Variants in PRKAG2 observed in about 807,000 individuals in gnomAD.
The protein encoded by PRKAG2 is 5'-AMP-activated protein kinase subunit gamma-2.
A neutral mutation model predicts 69.6 loss-of-function variants in PRKAG2; 26 were observed. That is an observed-to-expected ratio of 0.37 (90% CI 0.27 to 0.52). The LOEUF (loss-of-function observed/expected upper bound fraction) is 0.52. Ranked by LOEUF, PRKAG2 falls within the 20% of genes least tolerant of loss-of-function variation. The pLI, the probability that PRKAG2 is intolerant of heterozygous loss-of-function variation, is 0.90. For missense variants in PRKAG2, 557 were observed against 740.0 expected (o/e 0.75, Z 2.87); for synonymous variants, 293 against 285.0 (o/e 1.03, Z -0.28).
chr7:151,783,296 C>T (rs2076825649), intron 2 of PRKAG2, among the ~76,000 whole-genome samples: 2 of 152,198 alleles, frequency 1.3e-5, no homozygotes, highest in Non-Finnish European at 2.9e-5. Flanking sequence ...TGCTATAGGA[C>T]CTTGTAACTC....
At chr7:151,851,913 G>A (rs1056079085) in intron 1 of PRKAG2, among the ~76,000 whole-genome samples, 19 of 152,160 alleles carry the variant, frequency 1.2e-4, no homozygotes, top group Admixed American at 3.9e-4. Flanking sequence ...GGGGCTTCCT[G>A]CTCTGGTGAA....
At chr7:151,609,621 C>G (rs55668852) in intron 5 of PRKAG2, among the ~76,000 whole-genome samples, 4 of 152,202 alleles carry the variant, frequency 2.6e-5, no homozygotes, top group Admixed American at 1.3e-4. Context: ...CTGATACTGG[C>G]AACACCCACA....
rs546034368 is a variant in PRKAG2, at chr7:151,583,598, C to T, written c.865-7146G>A. Reference sequence around the variant, plus strand: ...TTGGAAAATTCTCCATAATTATAGACGGCACAGGGTGTTCCAATTAACCAA... The same window carrying T: ...TTGGAAAATTCTCCATAATTATAGATGGCACAGGGTGTTCCAATTAACCAA... On this transcript the variant is annotated intron_variant, in intron 6 of 15. Coordinates refer to ENST00000287878, the MANE Select transcript of PRKAG2 (RefSeq NM_016203.4). This position sits in a 1 kb window ranked among gnomAD's most constrained non-coding sequence, Gnocchi z 4.1. 2.3e-4 allele frequency among the ~76,000 whole-genome samples: 35 copies of T among 152,220 alleles called. No individual in the cohort carries two copies. In the East Asian group the frequency reaches 2.3e-3, roughly 10 times the overall value.
At chr7:151,795,405 T>C (rs1318850881) in intron 1 of PRKAG2, among the ~76,000 whole-genome samples, 6 of 151,490 alleles carry the variant, frequency 4.0e-5, no homozygotes, top group Admixed American at 2.0e-4. Context: ...CCATCCGGAG[T>C]AGCTGCGGTC....
At chr7:151,735,543 T>G (rs1304314051) in intron 3 of PRKAG2, among the ~76,000 whole-genome samples, 1 of 152,182 alleles carries the variant, frequency 6.6e-6, no homozygotes, top group Non-Finnish European at 1.5e-5. Flanking sequence ...TCCTCTAAAC[T>G]GCATGTTTCA....
At chr7:151,585,838 T>A (rs1811524254) in intron 6 of PRKAG2, among the ~76,000 whole-genome samples, 1 of 152,140 alleles carries the variant, frequency 6.6e-6, no homozygotes. Context: ...GGGAATGTGA[T>A]GCCAGGGAGC....
chr7:151,662,992 C>T (rs1384764238), intron 4 of PRKAG2, among the ~76,000 whole-genome samples: 1 of 152,114 alleles, frequency 6.6e-6, no homozygotes, highest in Non-Finnish European at 1.5e-5. Context: ...CTTTGGGAGG[C>T]TGAGGTGGGT....
In PRKAG2 at chr7:151,632,024, C is replaced by T. The variant is rs770828208; in HGVS notation, c.754+45G>A. 22 of 1,264,778 alleles carry T rather than the reference C, an allele frequency of 1.7e-5. No individual in the cohort carries two copies. Among genetic ancestry groups the T allele is most frequent in the Non-Finnish European group, 2.0e-5 (20 of 996,236 alleles). The allele number at this position is 1,264,778 out of a possible 1,614,324, so 78.3% of individuals were successfully genotyped here. A position where few individuals can be genotyped will look rare whatever the true frequency, so the allele number is the denominator to read the frequency against. ...CCGCGGGTCCCGGTCCTCGGGCGGC[C>T]GGGCCGTGGGAGCGCCGGGCCGGCA... On this transcript the variant is annotated intron_variant, in intron 5 of 15. Coordinates refer to ENST00000287878, the MANE Select transcript of PRKAG2 (RefSeq NM_016203.4). The surrounding 1 kb of genome is among the most constrained non-coding windows in gnomAD (Gnocchi z 4.2).
intron 3 of PRKAG2, among the ~76,000 whole-genome samples, chr7:151,695,253 A>C (rs764859053): frequency 1.1e-4 from 17 of 152,220 alleles, no homozygotes; most frequent in Non-Finnish European, 2.1e-4. Context: ...GTCATGGCTC[A>C]AACCTGTTTC....
At chr7:151,730,783 A>G (rs1465440352) in intron 3 of PRKAG2, among the ~76,000 whole-genome samples, 2 of 152,124 alleles carry the variant, frequency 1.3e-5, no homozygotes, top group Non-Finnish European at 2.9e-5. Context: ...AGGGCAGGAG[A>G]GCCATGGCAC....
At chr7:151,597,279 ATAGAT>A (rs1814783613) in intron 5 of PRKAG2, among the ~76,000 whole-genome samples, 1 of 152,248 alleles carries the variant, frequency 6.6e-6, no homozygotes, top group Non-Finnish European at 1.5e-5. Flanking sequence ...TCAATGGAAA[ATAGAT>A]TAGAGACTGA....
intron 4 of PRKAG2, among the ~76,000 whole-genome samples, chr7:151,664,656 G>A (rs573777274): frequency 1.1e-4 from 17 of 152,330 alleles, no homozygotes; most frequent in African/African-American, 3.8e-4. Flanking sequence ...AAGGTCTACT[G>A]CATACCTAGG....
intron 2 of PRKAG2, among the ~76,000 whole-genome samples, chr7:151,783,992 G>A (rs1435686097): frequency 3.9e-5 from 6 of 151,988 alleles, no homozygotes; most frequent in African/African-American, 1.5e-4. Context: ...GGGTGGGATG[G>A]GGGCTGAGAG....
chr7:151,769,702 C>T (rs1426834084), intron 3 of PRKAG2, among the ~76,000 whole-genome samples: 1 of 152,202 alleles, frequency 6.6e-6, no homozygotes, highest in Non-Finnish European at 1.5e-5. Flanking sequence ...CTGAAACTAA[C>T]CTGTGGGCCA....
chr7:151,581,014 T>A (rs545351419), intron 6 of PRKAG2, among the ~76,000 whole-genome samples: 3 of 152,326 alleles, frequency 2.0e-5, no homozygotes, highest in African/African-American at 7.2e-5. Flanking sequence ...TTTATCCTGA[T>A]GTGATTATAC....
chr7:151,695,982 A>T (rs1836562766), intron 3 of PRKAG2, among the ~76,000 whole-genome samples: 2 of 152,098 alleles, frequency 1.3e-5, no homozygotes, highest in African/African-American at 4.8e-5. Flanking sequence ...TTTACACGAC[A>T]CCAGCTCTTC....
chr7:151,853,107 G>C (rs965016677), intron 1 of PRKAG2, among the ~76,000 whole-genome samples: 1 of 152,154 alleles, frequency 6.6e-6, no homozygotes, highest in Admixed American at 6.5e-5. Flanking sequence ...CGGAGAGCTC[G>C]GGACCCAGGA....
At chr7:151,700,628 C>T (rs1416423680) in intron 3 of PRKAG2, among the ~76,000 whole-genome samples, 1 of 152,158 alleles carries the variant, frequency 6.6e-6, no homozygotes, top group African/African-American at 2.4e-5. Flanking sequence ...GCCAGGCCTG[C>T]CGGTCTGGGG....
At chr7:151,641,036 T>G (rs1826576859) in intron 4 of PRKAG2, among the ~76,000 whole-genome samples, 1 of 152,182 alleles carries the variant, frequency 6.6e-6, no homozygotes, top group South Asian at 2.1e-4. Context: ...TTATAGTCAC[T>G]TTCCCTTTAG....
Sources: allele counts gnomAD v4.1 joint callset (sites outside exome capture counted in the v4.1 genomes callset), GRCh38; gene constraint gnomAD v4.1.1; non-coding constraint Gnocchi (gnomAD v3.1); transcripts MANE v1.5; gene names NCBI Gene and HGNC (gene_info 2026-07-23, HGNC 2026-07-21).